NAV3: variants seen among roughly 807,000 people sequenced by gnomAD.
NAV3 encodes the protein pore membrane and/or filament interacting like protein 1.
NAV3 carries 87 observed loss-of-function variants against 244.7 expected under a neutral mutation model. The observed-to-expected ratio is 0.36, with a 90% CI of 0.30 to 0.42. The LOEUF (loss-of-function observed/expected upper bound fraction) is 0.42, where lower values mean the gene tolerates loss of function less well. Ranked by LOEUF, NAV3 falls within the 20% of genes least tolerant of loss-of-function variation. The pLI, the probability that NAV3 is intolerant of heterozygous loss-of-function variation, is 1.00. For missense variants in NAV3, 2,663 were observed against 2,893.3 expected, an observed-to-expected ratio of 0.92 and a Z score of 1.83; for synonymous variants, 1,126 against 1,042.2, an observed-to-expected ratio of 1.08 and a Z score of -1.55.
chr12:77,932,849 C>T (rs1306479747), intron 1 of NAV3, among the ~76,000 whole-genome samples: 1 of 152,166 alleles, frequency 6.6e-6, no homozygotes, highest in Non-Finnish European at 1.5e-5. Context: ...TGTGCCCCTT[C>T]CCCATGTTCT....
At chr12:77,686,212 C>A (rs1159129857) in intron 2 of NAV3, among the ~76,000 whole-genome samples, 1 of 152,086 alleles carries the variant, frequency 6.6e-6, no homozygotes, top group Non-Finnish European at 1.5e-5. Flanking sequence ...CCTGCCTCAG[C>A]CTCTTGAGTA....
chr12:77,665,198 T>C (rs528510840), intron 2 of NAV3, among the ~76,000 whole-genome samples: 5 of 152,204 alleles, frequency 3.3e-5, no homozygotes, highest in Admixed American at 2.6e-4. Context: ...TAGGTGCATA[T>C]GCAAATAAAA....
intron 2 of NAV3, among the ~76,000 whole-genome samples, chr12:77,791,563 A>T (rs1474944460): frequency 6.6e-6 from 1 of 152,026 alleles, no homozygotes; most frequent in African/African-American, 2.4e-5. Flanking sequence ...CCCCTGTGGC[A>T]TAGGTGCTAT....
chr12:78,067,819 C>T (rs1388697549), intron 12 of NAV3, among the ~76,000 whole-genome samples: 2 of 152,022 alleles, frequency 1.3e-5, no homozygotes, highest in Non-Finnish European at 2.9e-5. Context: ...TTAACTTTAC[C>T]ATTATAGAAT....
chr12:77,929,893 C>G (rs1888615800), intron 1 of NAV3, among the ~76,000 whole-genome samples: 1 of 149,214 alleles, frequency 6.7e-6, no homozygotes, highest in Non-Finnish European at 1.5e-5. Context: ...AAGTTATATG[C>G]CTGCCTCGGC....
intron 5 of NAV3, among the ~76,000 whole-genome samples, chr12:77,989,871 T>A (rs1230254113): frequency 1.3e-5 from 2 of 152,276 alleles, no homozygotes; most frequent in South Asian, 2.1e-4. Flanking sequence ...TCTGCTTTTT[T>A]AAAACATACT....
intron 2 of NAV3, among the ~76,000 whole-genome samples, chr12:77,715,531 A>G (rs1219691402): frequency 6.6e-6 from 1 of 151,980 alleles, no homozygotes; most frequent in Non-Finnish European, 1.5e-5. Context: ...ATAAAATATA[A>G]TTTTTACCAA....
At chr12:78,152,307 A>G (rs570867595) in intron 22 of NAV3, among the ~76,000 whole-genome samples, 1 of 151,928 alleles carries the variant, frequency 6.6e-6, no homozygotes, top group South Asian at 2.1e-4. Context: ...CTGGGAATTT[A>G]TATAAATAGA....
intron 1 of NAV3, among the ~76,000 whole-genome samples, chr12:77,900,570 GTA>G (rs201365019): frequency 4.0e-5 from 6 of 148,686 alleles, no homozygotes; most frequent in Non-Finnish European, 7.5e-5. Flanking sequence ...ATGCACACGC[GTA>G]TGTGTGTGTG....
At chr12:77,899,451 C>T (rs765557884) in intron 1 of NAV3, among the ~76,000 whole-genome samples, 6 of 152,162 alleles carry the variant, frequency 3.9e-5, no homozygotes, top group Non-Finnish European at 8.8e-5. Flanking sequence ...AGACTTCCAA[C>T]CAGCAAGAAG....
intron 2 of NAV3, among the ~76,000 whole-genome samples, chr12:77,601,439 C>T (rs1188610771): frequency 3.3e-5 from 5 of 151,950 alleles, no homozygotes; most frequent in East Asian, 1.9e-4. Flanking sequence ...ACTGGCAGGA[C>T]GCTTTCTTAC....
At chr12:77,767,810 A>G (rs1483835640) in intron 2 of NAV3, among the ~76,000 whole-genome samples, 1 of 152,056 alleles carries the variant, frequency 6.6e-6, no homozygotes, top group South Asian at 2.1e-4. Context: ...AAGGGCTGCA[A>G]CTCTTTTTTC....
At chr12:77,725,582 G>C (rs1477193796) in intron 2 of NAV3, among the ~76,000 whole-genome samples, 1 of 151,460 alleles carries the variant, frequency 6.6e-6, no homozygotes, top group East Asian at 1.9e-4. Context: ...GGAAATCAGA[G>C]AAAGTGGTAG....
intron 2 of NAV3, among the ~76,000 whole-genome samples, chr12:77,714,160 C>T (rs1300501243): frequency 6.6e-6 from 1 of 152,000 alleles, no homozygotes; most frequent in Non-Finnish European, 1.5e-5. Flanking sequence ...TTCTCAAAAT[C>T]TTCCTCAGAG....
intron 2 of NAV3, among the ~76,000 whole-genome samples, chr12:77,809,717 A>G (rs567940217): frequency 6.6e-6 from 1 of 152,216 alleles, no homozygotes; most frequent in Admixed American, 6.5e-5. Context: ...AAATAATTCA[A>G]AATAAAACAT....
In NAV3 at chr12:77,723,082, T is replaced by C. The variant is rs935293171; in HGVS notation, c.72+150816T>C. 5.9e-5 allele frequency among the ~76,000 whole-genome samples: 9 copies of C among 152,114 alleles called. No homozygotes were observed. The South Asian group carries it at 1.9e-3, about 32-fold the overall frequency. On this transcript the variant is annotated intron_variant, in intron 2 of 8. Coordinates refer to the NAV3 transcript ENST00000550042. ...TACTAAATGTTTTTCTACTATGTTATTAATTTTCTGTAAAATATGTTTATA... is the reference window on the plus strand; with the variant it reads ...TACTAAATGTTTTTCTACTATGTTACTAATTTTCTGTAAAATATGTTTATA...
At chr12:77,592,394 A>T (rs7139340) in intron 2 of NAV3, among the ~76,000 whole-genome samples, 2 of 152,276 alleles carry the variant, frequency 1.3e-5, no homozygotes, top group African/African-American at 2.4e-5. Flanking sequence ...CAAAGTTCAG[A>T]ATAGGAGAAT....
At chr12:77,586,880 T>C (rs192596307) in intron 2 of NAV3, among the ~76,000 whole-genome samples, 1 of 152,204 alleles carries the variant, frequency 6.6e-6, no homozygotes, top group Non-Finnish European at 1.5e-5. Flanking sequence ...AATGTTCTGG[T>C]GAGAATACAA....
chr12:78,180,634 T>G (rs898520997), intron 29 of NAV3, among the ~76,000 whole-genome samples: 2 of 152,070 alleles, frequency 1.3e-5, no homozygotes, highest in African/African-American at 4.8e-5. Context: ...ATGATAAGCA[T>G]GTCGAATGGT....
Sources: allele counts gnomAD v4.1 joint callset (sites outside exome capture counted in the v4.1 genomes callset), GRCh38; gene constraint gnomAD v4.1.1; transcripts MANE v1.5; gene names NCBI Gene and HGNC (gene_info 2026-07-23, HGNC 2026-07-21).